Variants in SUGCT observed in about 807,000 individuals in gnomAD.
The protein encoded by SUGCT is succinyl-CoA:glutarate CoA-transferase.
Under a neutral mutation model 55.0 loss-of-function variants are expected in SUGCT, and 41 were observed. The ratio of observed to expected loss-of-function variants is 0.74; its 90% CI spans 0.58 to 0.97. The LOEUF is 0.97. Ranked by LOEUF, SUGCT falls within the 50% of genes least tolerant of loss-of-function variation. The probability of loss-of-function intolerance (pLI) is 0.00; values close to 1 mark genes in which losing one functional copy is unlikely to be tolerated. For synonymous variants in SUGCT, 187 were observed against 200.4 expected, an observed-to-expected ratio of 0.93 and a Z score of 0.56; for missense variants, 568 against 547.8, an observed-to-expected ratio of 1.04 and a Z score of -0.37.
intron 12 of SUGCT, among the ~76,000 whole-genome samples, chr7:40,568,349 A>C (rs770716938): frequency 1.9e-4 from 29 of 152,094 alleles, no homozygotes; most frequent in African/African-American, 5.6e-4. Flanking sequence ...ACACACACAC[A>C]CCCCTCAAGA....
At chr7:40,405,446 A>C (rs1786307353) in intron 9 of SUGCT, among the ~76,000 whole-genome samples, 1 of 152,196 alleles carries the variant, frequency 6.6e-6, no homozygotes, top group African/African-American at 2.4e-5. Context: ...TAATTATTAC[A>C]AAGCACATTT....
rs1185814292 is a variant in SUGCT, at chr7:40,664,000, T to C, written c.1090-85434T>C. ...GAGGGCCTAATCCATGTGACTATTG[T>C]CCTTATAAAAAGGGAAAATTTGGAC... On this transcript the variant is annotated intron_variant, in intron 12 of 13. Coordinates refer to ENST00000335693, the MANE Select transcript of SUGCT (RefSeq NM_001193313.2). Among the ~76,000 whole-genome samples the C allele has an allele frequency of 3.9e-5, 6 of 152,226 alleles. No individual in the cohort carries two copies. The East Asian group carries it at 1.2e-3, about 29-fold the overall frequency.
intron 12 of SUGCT, among the ~76,000 whole-genome samples, chr7:40,541,206 A>G (rs1044712784): frequency 1.3e-5 from 2 of 150,576 alleles, no homozygotes; most frequent in African/African-American, 4.9e-5. Context: ...AAATGAAAGC[A>G]ATAATAAGAT....
the SUGCT span, among the ~76,000 whole-genome samples, chr7:40,975,040 T>C: frequency 6.6e-6 from 1 of 152,204 alleles, no homozygotes; most frequent in African/African-American, 2.4e-5. Context: ...TGTTATAGGC[T>C]AAGTGAGTGA....
the SUGCT span, among the ~76,000 whole-genome samples, chr7:40,914,268 T>A: frequency 7.3e-6 from 1 of 136,910 alleles, no homozygotes; most frequent in Non-Finnish European, 1.5e-5. Context: ...TTATTTATTT[T>A]TTTCTTTTTC....
At chr7:40,605,015 T>C (rs1798457034) in intron 12 of SUGCT, among the ~76,000 whole-genome samples, 1 of 152,238 alleles carries the variant, frequency 6.6e-6, no homozygotes, top group South Asian at 2.1e-4. Flanking sequence ...TATTGGGGGC[T>C]GTGTGCCCTC....
At chr7:40,715,471 TC>T (rs1487024648) in intron 12 of SUGCT, among the ~76,000 whole-genome samples, 1 of 152,146 alleles carries the variant, frequency 6.6e-6, no homozygotes, top group African/African-American at 2.4e-5. Flanking sequence ...GCTCCATCCA[TC>T]AGTTGCCCTC....
chr7:40,974,813 A>G, the SUGCT span, among the ~76,000 whole-genome samples: 1 of 152,194 alleles, frequency 6.6e-6, no homozygotes, highest in Non-Finnish European at 1.5e-5. Context: ...AAAGTACATT[A>G]TGTGTACCAA....
At chr7:40,847,411 CTTTT>C (rs981613426) in intron 13 of SUGCT, among the ~76,000 whole-genome samples, 5 of 75,398 alleles carry the variant, frequency 6.6e-5, no homozygotes, top group Non-Finnish European at 1.3e-4. Flanking sequence ...TTCTTTCTTT[CTTTT>C]TTTTTTTTTT....
chr7:40,641,648 A>G (rs1449986954), intron 12 of SUGCT, among the ~76,000 whole-genome samples: 1 of 152,226 alleles, frequency 6.6e-6, no homozygotes, highest in Non-Finnish European at 1.5e-5. Context: ...TATTTGAGCT[A>G]AGCTCTACTT....
chr7:40,564,309 G>A (rs556852192), intron 12 of SUGCT, among the ~76,000 whole-genome samples: 1 of 152,268 alleles, frequency 6.6e-6, no homozygotes, highest in South Asian at 2.1e-4. Flanking sequence ...CCGGGAAGCG[G>A]AGTTTGCAGT....
intron 6 of SUGCT, among the ~76,000 whole-genome samples, chr7:40,212,214 T>G (rs768525247): frequency 1.3e-5 from 2 of 151,668 alleles, no homozygotes; most frequent in African/African-American, 4.8e-5. Flanking sequence ...TCTCCCAAGT[T>G]TGTCAATTCT....
chr7:40,310,348 A>G (rs1337315254), intron 8 of SUGCT, among the ~76,000 whole-genome samples: 1 of 152,216 alleles, frequency 6.6e-6, no homozygotes, highest in African/African-American at 2.4e-5. Context: ...AAAAATAAGG[A>G]AAGTATGAGG....
At chr7:40,381,796 T>C (rs2151283283) in intron 9 of SUGCT, among the ~76,000 whole-genome samples, 1 of 152,298 alleles carries the variant, frequency 6.6e-6, no homozygotes, top group East Asian at 1.9e-4. Flanking sequence ...ACCAAATAAC[T>C]ATATGCCATT....
At chr7:40,998,946 C>T in the SUGCT span, among the ~76,000 whole-genome samples, 1 of 152,186 alleles carries the variant, frequency 6.6e-6, no homozygotes, top group Non-Finnish European at 1.5e-5. Flanking sequence ...AAAGGGATCA[C>T]ATTTATGATT....
chr7:40,272,112 T>TA (rs1792082767), intron 7 of SUGCT, among the ~76,000 whole-genome samples: 1 of 80,810 alleles, frequency 1.2e-5, no homozygotes, highest in African/African-American at 5.6e-5. Flanking sequence ...TATATATATA[T>TA]GGATGTTTCA....
At chr7:40,210,202 C>G in intron 6 of SUGCT, among the ~76,000 whole-genome samples, 1 of 152,002 alleles carries the variant, frequency 6.6e-6, no homozygotes, top group South Asian at 2.1e-4. Flanking sequence ...TGTGCCACCA[C>G]GCCCAGCTAT....
chr7:40,676,504 GTTTTTTT>G (rs70990639), intron 12 of SUGCT, among the ~76,000 whole-genome samples: 1 of 129,094 alleles, frequency 7.7e-6, no homozygotes, highest in Non-Finnish European at 1.6e-5. Context: ...TTTGTTTTTT[GTTTTTTT>G]TTTTTTTTTG....
the SUGCT span, among the ~76,000 whole-genome samples, chr7:40,988,661 T>C: frequency 3.3e-5 from 5 of 152,148 alleles, no homozygotes; most frequent in Non-Finnish European, 5.9e-5. Context: ...TTTTTTATTA[T>C]CGTAGAGAAA....
Sources: gnomAD v4.1 joint callset for allele counts (sites outside exome capture counted in the v4.1 genomes callset) on GRCh38, gnomAD v4.1.1 for gene constraint, MANE v1.5 for transcripts, NCBI Gene and HGNC (gene_info 2026-07-23, HGNC 2026-07-21) for gene names.